The following TMLHE variants were observed in gnomAD, a reference collection of about 807,000 sequenced individuals.
The protein encoded by TMLHE is trimethyllysine dioxygenase, mitochondrial.
Under a neutral mutation model 25.7 loss-of-function variants are expected in TMLHE, and 18 were observed. The ratio of observed to expected loss-of-function variants is 0.70; its 90% confidence interval spans 0.48 to 1.04. TMLHE has a LOEUF of 1.04. TMLHE is among the 50% of genes least tolerant of loss of function. The pLI is 0.00. For synonymous variants in TMLHE, 105 were observed against 97.0 expected, an observed-to-expected ratio of 1.08 and a Z score of -0.49; for missense variants, 236 against 259.0, an observed-to-expected ratio of 0.91 and a Z score of 0.61.
intron 1 of TMLHE, among the ~76,000 whole-genome samples, chrX:155,552,794 G>A (rs1235841552): frequency 9.1e-6 from 1 of 109,518 alleles, no homozygotes; most frequent in Admixed American, 9.7e-5. Flanking sequence ...CCCTGAGATG[G>A]ATCCATATGT....
At chrX:155,532,668 C>CAT (rs1557337197) in intron 2 of TMLHE, among the ~76,000 whole-genome samples, 3 of 86,077 alleles carry the variant, frequency 3.5e-5, no homozygotes, top group African/African-American at 1.3e-4. Flanking sequence ...ATGCAAAATT[C>CAT]GTGTGTGTGT....
At chrX:155,536,599 T>C (rs2067280403) in intron 2 of TMLHE, among the ~76,000 whole-genome samples, 1 of 111,718 alleles carries the variant, frequency 9.0e-6, no homozygotes, top group African/African-American at 3.3e-5. Flanking sequence ...ACTTTTCTCC[T>C]TGAAATCACA....
chrX:155,583,786 T>G (rs891864346), intron 1 of TMLHE, among the ~76,000 whole-genome samples: 29 of 111,317 alleles, frequency 2.6e-4, no homozygotes, highest in African/African-American at 9.1e-4. Flanking sequence ...GAGTGAGGAA[T>G]GATAAATATC....
chrX:155,568,510 G>A (rs1557342420), intron 1 of TMLHE, among the ~76,000 whole-genome samples: 2 of 61,952 alleles, frequency 3.2e-5, no homozygotes, highest in African/African-American at 7.2e-5. Context: ...CTGGAGATCT[G>A]AGAACAGGCA....
chrX:155,592,300 G>A (rs2067698013), intron 1 of TMLHE, among the ~76,000 whole-genome samples: 1 of 111,759 alleles, frequency 8.9e-6, no homozygotes, highest in Non-Finnish European at 1.9e-5. Flanking sequence ...ACAATGTACT[G>A]TTATTAGCAA....
chrX:155,538,089 C>A (rs1179141890), intron 2 of TMLHE, among the ~76,000 whole-genome samples: 2 of 111,282 alleles, frequency 1.8e-5, no homozygotes, highest in African/African-American at 6.5e-5. Context: ...CTATCTAACT[C>A]TAATTATGTA....
intron 1 of TMLHE, among the ~76,000 whole-genome samples, chrX:155,548,400 AATTCACAC>A: frequency 8.9e-6 from 1 of 111,990 alleles, no homozygotes; most frequent in East Asian, 2.8e-4. Context: ...AGGTATCTGA[AATTCACAC>A]AACTGACAAA....
intron 3 of TMLHE, 49 bp from the exon 4 acceptor site, chrX:155,514,314 A>T: frequency 9.0e-7 from 1 of 1,111,118 alleles, no homozygotes. Flanking sequence ...AAATAATGTC[A>T]ATATTTGTAA....
chrX:155,586,439 G>A (rs181904535), intron 1 of TMLHE, among the ~76,000 whole-genome samples: 1 of 111,032 alleles, frequency 9.0e-6, no homozygotes, highest in Non-Finnish European at 1.9e-5. Flanking sequence ...TTTCAAATAA[G>A]CAACATAACA....
At chrX:155,531,988 A>C (rs2067251483) in intron 2 of TMLHE, among the ~76,000 whole-genome samples, 1 of 111,850 alleles carries the variant, frequency 8.9e-6, no homozygotes, top group Non-Finnish European at 1.9e-5. Flanking sequence ...AAGAAGTAAA[A>C]ATAAAACCTG....
chrX:155,591,830 G>A (rs1235130067), intron 1 of TMLHE, among the ~76,000 whole-genome samples: 3 of 111,810 alleles, frequency 2.7e-5, no homozygotes, highest in Non-Finnish European at 5.6e-5. Flanking sequence ...ATTTGATCCA[G>A]CAATCTCACT....
chrX:155,532,681 G>A (rs2067256121), intron 2 of TMLHE, among the ~76,000 whole-genome samples: 1 of 105,080 alleles, frequency 9.5e-6, no homozygotes, highest in Non-Finnish European at 1.9e-5. Flanking sequence ...GTGTGTGTGT[G>A]TGTGTGTGTG....
intron 4 of TMLHE, among the ~76,000 whole-genome samples, chrX:155,513,465 A>G (rs1557334100): frequency 9.0e-6 from 1 of 111,220 alleles, no homozygotes; most frequent in Non-Finnish European, 1.9e-5. Context: ...AAAGAAAATA[A>G]TGGGTGGGAA....
chrX:155,596,607 A>G (rs1403134458), intron 1 of TMLHE, among the ~76,000 whole-genome samples: 1 of 112,228 alleles, frequency 8.9e-6, no homozygotes, highest in Non-Finnish European at 1.9e-5. Context: ...GAAAGAAATG[A>G]GGCTATTTTG....
intron 1 of TMLHE, among the ~76,000 whole-genome samples, chrX:155,581,376 G>A (rs782172638): frequency 8.9e-6 from 1 of 112,069 alleles, no homozygotes; most frequent in South Asian, 3.7e-4. Context: ...AAAAGAGGAA[G>A]TGAAATTGTC....
At chrX:155,594,218 A>G (rs1429140290) in intron 1 of TMLHE, among the ~76,000 whole-genome samples, 1 of 112,078 alleles carries the variant, frequency 8.9e-6, no homozygotes, top group African/African-American at 3.2e-5. Context: ...ATACAAGGGA[A>G]TATCAATATG....
At chrX:155,548,515 C>G (rs1408710262) in intron 1 of TMLHE, among the ~76,000 whole-genome samples, 1 of 108,310 alleles carries the variant, frequency 9.2e-6, no homozygotes, top group African/African-American at 3.6e-5. Flanking sequence ...GCGGGCGGAT[C>G]ACAAGGTCAG....
At chrX:155,592,416 A>G (rs782345290) in intron 1 of TMLHE, among the ~76,000 whole-genome samples, 9 of 112,169 alleles carry the variant, frequency 8.0e-5, no homozygotes, top group Admixed American at 1.9e-4. Context: ...AACTTGGGAA[A>G]AGCCTGAGAC....
intron 1 of TMLHE, among the ~76,000 whole-genome samples, chrX:155,556,125 A>G (rs2067452769): frequency 1.0e-5 from 1 of 97,056 alleles, no homozygotes; most frequent in African/African-American, 3.6e-5. Context: ...GGAGATAACT[A>G]CGTGGCAAGT....
Sources: allele counts gnomAD v4.1 joint callset (sites outside exome capture counted in the v4.1 genomes callset), GRCh38; gene constraint gnomAD v4.1.1; transcripts MANE v1.5; gene names NCBI Gene and HGNC (gene_info 2026-07-23, HGNC 2026-07-21).